PTPRG: variants seen among roughly 807,000 people sequenced by gnomAD.
PTPRG encodes the protein protein tyrosine phosphatase receptor type G, also known as receptor-type tyrosine-protein phosphatase gamma.
Under a neutral mutation model 165.3 loss-of-function variants are expected in PTPRG, and 102 were observed. The ratio of observed to expected loss-of-function variants is 0.62; its 90% CI spans 0.53 to 0.73. PTPRG has a LOEUF of 0.73. Ranked by LOEUF, PTPRG falls within the 30% of genes least tolerant of loss-of-function variation. The probability of loss-of-function intolerance (pLI) is 0.00; values close to 1 mark genes in which losing one functional copy is unlikely to be tolerated. For missense variants in PTPRG, 1,866 were observed against 1,861.4 expected (o/e 1.00, Z -0.05); for synonymous variants, 675 against 669.5 (o/e 1.01, Z -0.13).
chr3:62,043,453 A>G (rs528319819), intron 4 of PTPRG, among the ~76,000 whole-genome samples: 2 of 152,300 alleles, frequency 1.3e-5, no homozygotes, highest in African/African-American at 4.8e-5. Context: ...GGATAATGCA[A>G]TTAGAATTCT....
chr3:62,144,095 A>G (rs1245419621), intron 6 of PTPRG, among the ~76,000 whole-genome samples: 2 of 152,190 alleles, frequency 1.3e-5, no homozygotes, highest in African/African-American at 4.8e-5. Flanking sequence ...CATATCATCT[A>G]TGGCTACTTT....
intron 4 of PTPRG, among the ~76,000 whole-genome samples, chr3:62,021,312 A>G (rs1290007928): frequency 1.3e-5 from 2 of 152,152 alleles, no homozygotes; most frequent in African/African-American, 4.8e-5. Context: ...TATATCTGGG[A>G]TAAACTTAGG....
intron 2 of PTPRG, among the ~76,000 whole-genome samples, chr3:61,937,941 T>TC (rs2039519545): frequency 6.6e-6 from 1 of 151,768 alleles, no homozygotes; most frequent in Non-Finnish European, 1.5e-5. Context: ...TCTTGGGGTT[T>TC]TTTTTTTTCC....
intron 4 of PTPRG, among the ~76,000 whole-genome samples, chr3:62,063,283 T>G (rs981517087): frequency 6.6e-6 from 1 of 152,226 alleles, no homozygotes; most frequent in African/African-American, 2.4e-5. Flanking sequence ...AGCCAAGGAT[T>G]TTGAACTATG....
At chr3:62,135,165 T>C (rs767725543) in intron 6 of PTPRG, among the ~76,000 whole-genome samples, 3 of 151,618 alleles carry the variant, frequency 2.0e-5, no homozygotes, top group Non-Finnish European at 2.9e-5. Context: ...TCCCAGCTAC[T>C]TGGGAGGCTG....
At chr3:62,167,941 T>TTC (rs1705060106) in intron 7 of PTPRG, 30 bp from the exon 8 acceptor site, 1 of 1,566,414 alleles carries the variant, frequency 6.4e-7, no homozygotes, top group Middle Eastern at 2.2e-4. Context: ...GTTTTTTTTT[T>TTC]CCCCCTCCCC....
At chr3:61,626,612 A>G (rs1701615940) in intron 1 of PTPRG, among the ~76,000 whole-genome samples, 1 of 152,198 alleles carries the variant, frequency 6.6e-6, no homozygotes. Context: ...GAACCTTCTC[A>G]GAGTCATAGT....
At chr3:61,702,782 A>G (rs1223661305) in intron 1 of PTPRG, among the ~76,000 whole-genome samples, 2 of 152,206 alleles carry the variant, frequency 1.3e-5, no homozygotes, top group Non-Finnish European at 2.9e-5. Context: ...CTTTTGCTCA[A>G]CATAATGTCT....
intron 28 of PTPRG, among the ~76,000 whole-genome samples, chr3:62,284,638 C>T (rs913617814): frequency 2.6e-5 from 4 of 152,074 alleles, no homozygotes; most frequent in Non-Finnish European, 5.9e-5. Flanking sequence ...CTTTCTGTAC[C>T]TCTAAACATC....
chr3:61,780,072 G>C (rs1163265328), intron 2 of PTPRG, among the ~76,000 whole-genome samples: 3 of 152,180 alleles, frequency 2.0e-5, no homozygotes, highest in African/African-American at 7.2e-5. Context: ...CTTAAGAAAA[G>C]TTGATGTAAG....
chr3:61,788,159 A>C (rs752884800), intron 2 of PTPRG, among the ~76,000 whole-genome samples: 1 of 152,152 alleles, frequency 6.6e-6, no homozygotes, highest in South Asian at 2.1e-4. Flanking sequence ...ACTGGTTTTC[A>C]GCATCAACGT....
intron 6 of PTPRG, among the ~76,000 whole-genome samples, chr3:62,149,394 C>A (rs1018505750): frequency 6.6e-6 from 1 of 151,818 alleles, no homozygotes; most frequent in African/African-American, 2.4e-5. Context: ...CTGCCCCAGC[C>A]TCCCAACAAG....
At chr3:61,703,843 T>C (rs904511364) in intron 1 of PTPRG, among the ~76,000 whole-genome samples, 1 of 152,236 alleles carries the variant, frequency 6.6e-6, no homozygotes, top group Non-Finnish European at 1.5e-5. Flanking sequence ...GAGAAGTCTT[T>C]TATTATACCA....
At chr3:62,004,193 C>T (rs80284132) in intron 4 of PTPRG, among the ~76,000 whole-genome samples, 13,146 of 152,152 alleles carry the variant, frequency 0.086, 922 homozygotes, top group African/African-American at 0.18. Flanking sequence ...TATATTTCCT[C>T]TAATCATGAT....
chr3:61,753,264 G>C (rs1050352871), intron 2 of PTPRG, among the ~76,000 whole-genome samples: 1 of 152,028 alleles, frequency 6.6e-6, no homozygotes, highest in African/African-American at 2.4e-5. Flanking sequence ...TTATATCTTT[G>C]GATTTCTTTT....
At chr3:62,096,543 T>C (rs1702126404) in intron 5 of PTPRG, among the ~76,000 whole-genome samples, 1 of 152,240 alleles carries the variant, frequency 6.6e-6, no homozygotes, top group Non-Finnish European at 1.5e-5. Context: ...GATGATCAGC[T>C]CATGTGTATG....
chr3:62,046,634 C>T (rs1195941330), intron 4 of PTPRG, among the ~76,000 whole-genome samples: 3 of 152,094 alleles, frequency 2.0e-5, no homozygotes, highest in Non-Finnish European at 4.4e-5. Context: ...GTCTGGGGGA[C>T]TTACTGTCTC....
chr3:62,107,543 G>A (rs960432757), intron 5 of PTPRG, among the ~76,000 whole-genome samples: 1 of 152,210 alleles, frequency 6.6e-6, no homozygotes, highest in African/African-American at 2.4e-5. Context: ...AATGGGTTAA[G>A]ACCCCTCTGG....
intron 1 of PTPRG, among the ~76,000 whole-genome samples, chr3:61,605,572 TG>T (rs67420550): frequency 0.64 from 96,475 of 151,036 alleles, 32,754 homozygotes; most frequent in South Asian, 0.85. Context: ...TTTATTTTTT[TG>T]TTTTTTTTAT....
Sources: gnomAD v4.1 joint callset for allele counts (sites outside exome capture counted in the v4.1 genomes callset) on GRCh38, gnomAD v4.1.1 for gene constraint, MANE v1.5 for transcripts, NCBI Gene and HGNC (gene_info 2026-07-23, HGNC 2026-07-21) for gene names.